NFXL1: variants seen among roughly 807,000 people sequenced by gnomAD.
NFXL1 encodes nuclear transcription factor, X-box binding like 1.
NFXL1 carries 66 observed loss-of-function variants against 123.3 expected under a neutral mutation model. That is an observed-to-expected ratio of 0.54 (90% CI 0.44 to 0.66). The LOEUF (loss-of-function observed/expected upper bound fraction) is 0.66. Ranked by LOEUF, NFXL1 falls within the 30% of genes least tolerant of loss-of-function variation. The probability of loss-of-function intolerance (pLI) is 0.00; values close to 1 mark genes in which losing one functional copy is unlikely to be tolerated. For synonymous variants in NFXL1, 346 were observed against 360.8 expected, an observed-to-expected ratio of 0.96 and a Z score of 0.46; for missense variants, 944 against 1,125.6, an observed-to-expected ratio of 0.84 and a Z score of 2.31.
At chr4:47,885,771 G>C in intron 13 of NFXL1, 108 bp downstream of exon 13, 1 of 1,361,710 alleles carries the variant, frequency 7.3e-7, no homozygotes, top group Non-Finnish European at 1.0e-6. Context: ...AGTATACTGT[G>C]AATATTAATA....
At chr4:47,867,399 A>G (rs921672671) in intron 18 of NFXL1, among the ~76,000 whole-genome samples, 3 of 152,152 alleles carry the variant, frequency 2.0e-5, no homozygotes, top group Non-Finnish European at 4.4e-5. Context: ...AATGAGATAT[A>G]GAAAAAAGTA....
chr4:47,858,871 G>A (rs1447872885), intron 19 of NFXL1, among the ~76,000 whole-genome samples: 1 of 151,986 alleles, frequency 6.6e-6, no homozygotes, highest in Non-Finnish European at 1.5e-5. Context: ...TTTATATTAT[G>A]TATTTTTAGG....
rs1734093126 is a variant in NFXL1 at position 47,851,098 on chromosome 4, T to A, written c.2559A>T (p.Gln853His). The A allele has an allele frequency of 5.0e-6, 8 of 1,609,934 alleles. No individual in the cohort carries two copies. In the East Asian group the frequency reaches 1.8e-4, roughly 36 times the overall value. The change falls in exon 22 of 23, where the codon CAA (glutamine) becomes CAT (histidine). Residue 853 changes from glutamine to histidine, a missense_variant. Coordinates refer to ENST00000507489, the MANE Select transcript of NFXL1 (RefSeq NM_001278624.2). ...KAALEEEKRR[Q>H]QAELEAFENR... ...TCTGGGTATTTTGTTTGGTTACCTG[T>A]TGTCTTCGTTTTTCTTCTTCAAGAG...
In NFXL1 at chr4:47,914,101, C is replaced by A; in HGVS notation, c.103G>T (p.Gly35Ter). 1.3e-6 allele frequency: 2 copies of A among 1,552,370 alleles called. No homozygotes were observed. Among genetic ancestry groups the A allele is most frequent in the Non-Finnish European group, 1.7e-6 (2 of 1,148,170 alleles). ...CCCACCGACCCCTTCTCTCGCCCTC[C>A]TCCGGCGCCGCGGAGATGGACTCCA... ...GNGVHLRGAG[G>*]GREKGSVGAV... The change falls in exon 2 of 23, where the codon GGA becomes TGA. Residue 35 changes from glycine (G) to a stop codon, truncating the protein, a stop_gained. Transcript: ENST00000507489. LOFTEE classifies it high-confidence loss of function.
At chr4:47,894,375 A>G in intron 10 of NFXL1, 73 bp from the exon 11 acceptor site, 1 of 1,139,364 alleles carries the variant, frequency 8.8e-7, no homozygotes, top group East Asian at 2.8e-5. Context: ...AACTTCTACA[A>G]TTATTAAAAC....
At chr4:47,908,252 T>G (rs1464911766) in intron 3 of NFXL1, among the ~76,000 whole-genome samples, 1 of 152,088 alleles carries the variant, frequency 6.6e-6, no homozygotes, top group Non-Finnish European at 1.5e-5. Context: ...AAACACTGTC[T>G]CTACAAAAAA....
At chr4:47,895,702 C>T (rs557642480) in intron 10 of NFXL1, among the ~76,000 whole-genome samples, 80 of 152,284 alleles carry the variant, frequency 5.3e-4, no homozygotes, top group African/African-American at 1.6e-3. Context: ...TCTAAATCTT[C>T]CTCCTTATCA....
chr4:47,886,641 G>T (rs4694873), intron 12 of NFXL1, among the ~76,000 whole-genome samples: 125,220 of 151,618 alleles, frequency 0.83, 51,917 homozygotes, highest in East Asian at 0.98. Flanking sequence ...AATGCTGGGT[G>T]TACAGGCGTG....
Position 47,862,867 on chromosome 4 carries a change from G to T in NFXL1, c.2295C>A (p.Cys765Ter). 6.3e-7 allele frequency: 1 copy of T among 1,578,468 alleles called. No homozygotes were observed. The highest frequency in any genetic ancestry group is 8.6e-7 in the Non-Finnish European group (1 of 1,163,662). The change falls in exon 19 of 23, where the codon TGC becomes TGA. Residue 765 changes from cysteine (C) to a stop codon, truncating the protein, a stop_gained. Transcript: ENST00000507489. LOFTEE classifies it high-confidence loss of function. ...TTACCTCTTTAGGGCACTGATTTTT[G>T]CAACAACTGAGGAGGTTCTTTTCAT... is the stretch of plus-strand genomic sequence containing the variant. Reference protein sequence around the residue: ...DVNEKNLLSCCKNQCPKELPC... With the variant: ...DVNEKNLLSC
At chr4:47,897,063 A>C (rs1328797431) in intron 9 of NFXL1, among the ~76,000 whole-genome samples, 1 of 152,216 alleles carries the variant, frequency 6.6e-6, no homozygotes, top group South Asian at 2.1e-4. Flanking sequence ...TAATCTCAGC[A>C]CTTTGGGAGG....
chr4:47,859,615 G>A (rs1299617064), intron 19 of NFXL1, among the ~76,000 whole-genome samples: 2 of 151,942 alleles, frequency 1.3e-5, no homozygotes, highest in Non-Finnish European at 2.9e-5. Context: ...GGCCAATGTG[G>A]GCAAACCACG....
At chr4:47,881,011 A>C (rs1426685715) in intron 15 of NFXL1, among the ~76,000 whole-genome samples, 1 of 152,036 alleles carries the variant, frequency 6.6e-6, no homozygotes, top group South Asian at 2.1e-4. Context: ...GCTAGATAGG[A>C]AGAACAAGTT....
At chr4:47,871,214 G>A (rs1206925626) in intron 18 of NFXL1, among the ~76,000 whole-genome samples, 1 of 152,080 alleles carries the variant, frequency 6.6e-6, no homozygotes, top group Admixed American at 6.5e-5. Context: ...TTAGCTGGGC[G>A]TGGTGGCAGG....
Position 47,898,966 on chromosome 4 carries a change from A to G in NFXL1, c.981T>C (p.Cys327=), listed in dbSNP as rs1302709187. The change falls in exon 7 of 23, where the codon TGT becomes TGC. Residue 327 remains cysteine, a synonymous_variant. Coordinates refer to ENST00000507489, the MANE Select transcript of NFXL1 (RefSeq NM_001278624.2). ...ATGGGTATGGCCTTTTACCTGCATG[A>G]CAAGGATTTTCACACTTATGTTGCC... ...LCGQHKCENP[C]HAGSCQPCPR... is the part of the protein sequence containing the mutation. 5 of 1,614,028 alleles carry G rather than the reference A, an allele frequency of 3.1e-6. No individual in the cohort carries two copies. Among genetic ancestry groups the G allele is most frequent in the Non-Finnish European group, 4.2e-6 (5 of 1,179,958 alleles).
Position 47,879,127 on chromosome 4 carries a change from AAAAAT to A in NFXL1, c.1917-15_1917-11del, listed in dbSNP as rs2110071087. 7 of 1,281,916 alleles carry A rather than the reference AAAAAT, an allele frequency of 5.5e-6. No individual in the cohort carries two copies. Among genetic ancestry groups the A allele is most frequent in the Non-Finnish European group, 7.4e-6 (7 of 945,112 alleles). The allele number at this position is 1,281,916 out of a possible 1,614,324, so 79.4% of individuals were successfully genotyped here. ...TTTCCCAAGACATTCCCTACAAGGA[AAAAAT>A]AAAATAAAATGAAAACATTACAAAT... On this transcript the variant is annotated splice_polypyrimidine_tract_variant and intron_variant, in intron 15 of 22. Transcript: ENST00000507489.
At chr4:47,859,841 C>CAAAAAAAAAAAAAAAAAAA (rs938207203) in intron 19 of NFXL1, among the ~76,000 whole-genome samples, 1 of 14,316 alleles carries the variant, frequency 7.0e-5, no homozygotes, top group Non-Finnish European at 1.2e-4. Context: ...GACTCCATCT[C>CAAAAAAAAAAAAAAAAAAA]AAAAAAAAAA....
intron 15 of NFXL1, among the ~76,000 whole-genome samples, chr4:47,880,144 C>T (rs899241072): frequency 2.0e-5 from 3 of 151,888 alleles, no homozygotes; most frequent in African/African-American, 7.3e-5. Context: ...ACCTGTAATC[C>T]CTACACTTTA....
intron 18 of NFXL1, among the ~76,000 whole-genome samples, chr4:47,868,423 C>T (rs1340732541): frequency 2.1e-5 from 3 of 140,100 alleles, no homozygotes; most frequent in African/African-American, 7.9e-5. Context: ...TGCAACTAAA[C>T]AATGAGAAGA....
At chr4:47,876,047 T>G (rs1735731389) in intron 17 of NFXL1, among the ~76,000 whole-genome samples, 1 of 152,126 alleles carries the variant, frequency 6.6e-6, no homozygotes, top group African/African-American at 2.4e-5. Flanking sequence ...AGGTCAAACA[T>G]TTTTATTATC....
Sources: allele counts gnomAD v4.1 joint callset (sites outside exome capture counted in the v4.1 genomes callset), GRCh38; gene constraint gnomAD v4.1.1; transcripts MANE v1.5; gene names NCBI Gene and HGNC (gene_info 2026-07-23, HGNC 2026-07-21).